TENM1: variants seen among roughly 807,000 people sequenced by gnomAD.
TENM1 encodes the protein teneurin transmembrane protein 1.
TENM1 carries 35 observed loss-of-function variants against 174.8 expected under a neutral mutation model. That is an observed-to-expected ratio of 0.20 (90% confidence interval 0.15 to 0.27). The LOEUF (loss-of-function observed/expected upper bound fraction) is 0.27, where lower values mean the gene tolerates loss of function less well. Ranked by LOEUF, TENM1 falls within the 10% of genes least tolerant of loss-of-function variation. The pLI is 1.00. For synonymous variants in TENM1, 781 were observed against 798.7 expected, an observed-to-expected ratio of 0.98 and a Z score of 0.37; for missense variants, 1,633 against 2,130.1, an observed-to-expected ratio of 0.77 and a Z score of 4.59.
chrX:124,634,529 C>T (rs1175492473), intron 11 of TENM1, among the ~76,000 whole-genome samples: 1 of 110,808 alleles, frequency 9.0e-6, no homozygotes, highest in Non-Finnish European at 1.9e-5. Flanking sequence ...CGTAGTTATC[C>T]TCATGGTGTT....
chrX:124,664,753 C>T (rs903780527), intron 6 of TENM1, among the ~76,000 whole-genome samples: 5 of 105,908 alleles, frequency 4.7e-5, no homozygotes, highest in African/African-American at 1.0e-4. Context: ...GGAGAATGCT[C>T]GCTGAAAGGA....
At chrX:124,699,600 A>G (rs3859908) in intron 5 of TENM1, among the ~76,000 whole-genome samples, 25,145 of 110,718 alleles carry the variant, frequency 0.23, 3,585 homozygotes, top group African/African-American at 0.53. Context: ...CTTAGTCTGA[A>G]CAACAGGACC....
intron 1 of TENM1, among the ~76,000 whole-genome samples, chrX:124,947,215 C>A (rs1230671118): frequency 8.9e-6 from 1 of 111,787 alleles, no homozygotes; most frequent in Non-Finnish European, 1.9e-5. Flanking sequence ...CATAGTGGAT[C>A]CCTGACATTA....
At chrX:124,859,935 A>G (rs1019239654) in intron 3 of TENM1, among the ~76,000 whole-genome samples, 11 of 112,384 alleles carry the variant, frequency 9.8e-5, no homozygotes, top group Non-Finnish European at 1.7e-4. Flanking sequence ...GTTTGATGAA[A>G]CAAAAACCAC....
chrX:125,179,469 A>T, the TENM1 span, among the ~76,000 whole-genome samples: 1 of 111,167 alleles, frequency 9.0e-6, no homozygotes, highest in East Asian at 2.8e-4. Context: ...AATAATAAAG[A>T]TTTTTAGCTG....
At chrX:125,040,289 G>A in the TENM1 span, among the ~76,000 whole-genome samples, 6 of 110,408 alleles carry the variant, frequency 5.4e-5, no homozygotes, top group African/African-American at 2.0e-4. Flanking sequence ...CTTGTATTCT[G>A]TTTAAAAAGA....
the TENM1 span, among the ~76,000 whole-genome samples, chrX:125,077,599 A>G: frequency 9.0e-6 from 1 of 111,427 alleles, no homozygotes; most frequent in Non-Finnish European, 1.9e-5. Context: ...AAACCCATTC[A>G]CAGATCCTCC....
At chrX:125,064,304 T>C in the TENM1 span, among the ~76,000 whole-genome samples, 1 of 109,569 alleles carries the variant, frequency 9.1e-6, no homozygotes, top group Admixed American at 9.7e-5. Flanking sequence ...AAACTTAAAG[T>C]ATAATAATAA....
At chrX:124,900,820 T>C (rs374760737) in intron 1 of TENM1, among the ~76,000 whole-genome samples, 47 of 107,369 alleles carry the variant, frequency 4.4e-4, no homozygotes, top group African/African-American at 1.4e-3. Context: ...AGATTGAGTT[T>C]TGCTCTTGTT....
intron 3 of TENM1, among the ~76,000 whole-genome samples, chrX:124,779,332 G>C (rs1445376161): frequency 9.0e-6 from 1 of 111,650 alleles, no homozygotes; most frequent in East Asian, 2.8e-4. Context: ...CATAGTGCAC[G>C]ATTTTCTTAT....
chrX:125,117,671 G>T, the TENM1 span, among the ~76,000 whole-genome samples: 4 of 110,507 alleles, frequency 3.6e-5, no homozygotes, highest in Non-Finnish European at 5.7e-5. Context: ...TGCACGTTCT[G>T]TACATGTATC....
chrX:124,714,245 T>G (rs2053128514), intron 4 of TENM1, among the ~76,000 whole-genome samples: 1 of 111,824 alleles, frequency 8.9e-6, no homozygotes, highest in Admixed American at 9.5e-5. Context: ...GAGTTGGTAA[T>G]CAACTTCAGT....
At chrX:124,629,968 A>G (rs1042862005) in intron 11 of TENM1, among the ~76,000 whole-genome samples, 1 of 112,235 alleles carries the variant, frequency 8.9e-6, no homozygotes, top group Admixed American at 9.4e-5. Flanking sequence ...CTAATGAGCT[A>G]TATGACTGTC....
the TENM1 span, among the ~76,000 whole-genome samples, chrX:125,010,854 A>G: frequency 9.1e-6 from 1 of 110,125 alleles, no homozygotes; most frequent in Non-Finnish European, 1.9e-5. Context: ...TGTGGAACCG[A>G]AAAAGAGGCC....
chrX:124,494,601 C>T (rs1349509230), intron 20 of TENM1, among the ~76,000 whole-genome samples: 5 of 109,070 alleles, frequency 4.6e-5, no homozygotes, highest in African/African-American at 6.7e-5. Flanking sequence ...CATGCTGGTG[C>T]GCTGCACCCA....
the TENM1 span, among the ~76,000 whole-genome samples, chrX:125,074,546 A>C: frequency 4.5e-5 from 5 of 110,758 alleles, no homozygotes; most frequent in Admixed American, 4.8e-4. Flanking sequence ...TCCTCGACAA[A>C]AGCCATATCT....
chrX:125,013,506 C>A, the TENM1 span, among the ~76,000 whole-genome samples: 1 of 111,099 alleles, frequency 9.0e-6, no homozygotes, highest in Non-Finnish European at 1.9e-5. Flanking sequence ...TTATTCATTT[C>A]TGCCTTTTGT....
the TENM1 span, among the ~76,000 whole-genome samples, chrX:125,089,608 C>G: frequency 8.9e-6 from 1 of 111,827 alleles, no homozygotes; most frequent in Non-Finnish European, 1.9e-5. Flanking sequence ...CATGTCATGT[C>G]TCTTAGTTGG....
At chrX:124,931,158 T>C (rs1446483036) in intron 1 of TENM1, among the ~76,000 whole-genome samples, 2 of 110,381 alleles carry the variant, frequency 1.8e-5, no homozygotes, top group South Asian at 3.9e-4. Flanking sequence ...CAGACTTTTA[T>C]GGAGGCTTTT....
Sources: allele counts gnomAD v4.1 joint callset (sites outside exome capture counted in the v4.1 genomes callset), GRCh38; gene constraint gnomAD v4.1.1; transcripts MANE v1.5; gene names NCBI Gene and HGNC (gene_info 2026-07-23, HGNC 2026-07-21).